Variants in TNS1 observed in about 807,000 individuals in gnomAD.
TNS1 encodes tensin-1.
Under a neutral mutation model 168.6 loss-of-function variants are expected in TNS1, and 62 were observed. The ratio of observed to expected loss-of-function variants is 0.37; its 90% CI spans 0.30 to 0.45. The LOEUF is 0.45. TNS1 is among the 20% of genes least tolerant of loss of function. The probability of loss-of-function intolerance (pLI) is 1.00; values close to 1 mark genes in which losing one functional copy is unlikely to be tolerated. For synonymous variants in TNS1, 934 were observed against 933.2 expected (o/e 1.00, Z -0.02); for missense variants, 2,240 against 2,339.4 (o/e 0.96, Z 0.88).
chr2:217,956,141 G>GT (rs373533988), intron 3 of TNS1, among the ~76,000 whole-genome samples: 71 of 151,836 alleles, frequency 4.7e-4, no homozygotes, highest in African/African-American at 1.5e-3. Flanking sequence ...TTTGAATTTT[G>GT]TTTTTTTTGT....
intron 1 of TNS1, chr2:218,009,972 C>G (rs1436605522): frequency 2.6e-6 from 1 of 379,316 alleles, no homozygotes; most frequent in Non-Finnish European, 4.5e-6. Context: ...ATGGCCGAGA[C>G]GGAGGGTCCC....
chr2:217,950,568 C>T (rs1559384229), intron 3 of TNS1, among the ~76,000 whole-genome samples: 1 of 150,768 alleles, frequency 6.6e-6, no homozygotes, highest in Non-Finnish European at 1.5e-5. Context: ...CTCACATGTG[C>T]TGTCCCAGGT....
intron 3 of TNS1, among the ~76,000 whole-genome samples, chr2:217,935,154 A>G (rs1429062275): frequency 2.6e-5 from 4 of 152,186 alleles, no homozygotes; most frequent in East Asian, 3.9e-4. Flanking sequence ...AGTGCTGAAG[A>G]CGGGAGATCT....
chr2:218,009,457 T>C (rs1279920551), intron 1 of TNS1, among the ~76,000 whole-genome samples: 1 of 151,806 alleles, frequency 6.6e-6, no homozygotes. Context: ...GGGAGACCGA[T>C]GCTCAACCAG....
chr2:217,810,420 C>T (rs1940636440), intron 28 of TNS1, 101 bp from the exon 29 acceptor site: 9 of 1,158,876 alleles, frequency 7.8e-6, no homozygotes, highest in South Asian at 2.6e-5. Flanking sequence ...GCAGAAGGAA[C>T]GCTGCTTTTC....
At chr2:217,946,012 G>A (rs1180616991) in intron 3 of TNS1, among the ~76,000 whole-genome samples, 2 of 152,116 alleles carry the variant, frequency 1.3e-5, no homozygotes, top group Non-Finnish European at 2.9e-5. Context: ...ACCCACATCC[G>A]TATTATCCCA....
intron 18 of TNS1, among the ~76,000 whole-genome samples, chr2:217,877,608 C>G (rs1197498541): frequency 2.0e-5 from 3 of 152,226 alleles, no homozygotes; most frequent in Non-Finnish European, 4.4e-5. Context: ...AGAAATTCAA[C>G]AGAATTCGGG....
At chr2:218,007,484 C>G (rs2105993628), upstream of TNS1, among the ~76,000 whole-genome samples, 1 of 142,224 alleles carries the variant, frequency 7.0e-6, no homozygotes, top group Non-Finnish European at 1.5e-5. Context: ...CACCCCAGGA[C>G]TAGGGGCTAT....
At chr2:217,902,887 CCTT>C (rs1035042657) in intron 6 of TNS1, among the ~76,000 whole-genome samples, 4 of 152,148 alleles carry the variant, frequency 2.6e-5, no homozygotes, top group African/African-American at 7.2e-5. Context: ...GGCACGTGAC[CCTT>C]GCTGGCGGAC....
Position 217,881,606 on chromosome 2 carries a change from T to C in TNS1, c.1313-592A>G, listed in dbSNP as rs542245797. 7 of 153,330 alleles carry C rather than the reference T, an allele frequency of 4.6e-5. No homozygotes were observed. In the South Asian group the frequency reaches 1.0e-3, roughly 23 times the overall value. The allele number at this position is 153,330 out of a possible 1,614,324, so 9.5% of individuals were successfully genotyped here. On this transcript the variant is annotated intron_variant, in intron 17 of 32. Transcript: ENST00000682258. ...AAACCCAGCTCAGCATTGGGACAAA[T>C]ACCTAATGCATGCAGAGCTTAAAAG...
At chr2:217,970,526 C>T (rs1438732945) in intron 3 of TNS1, among the ~76,000 whole-genome samples, 1 of 152,092 alleles carries the variant, frequency 6.6e-6, no homozygotes, top group Non-Finnish European at 1.5e-5. Context: ...AATGGAAAAA[C>T]AACATGGGCT....
chr2:217,896,519 C>T (rs1952322898), intron 8 of TNS1, among the ~76,000 whole-genome samples: 1 of 152,184 alleles, frequency 6.6e-6, no homozygotes, highest in Non-Finnish European at 1.5e-5. Context: ...CAAGGAATCC[C>T]ACCGCAAGCT....
chr2:217,831,713 G>A (rs1441887799), intron 21 of TNS1, among the ~76,000 whole-genome samples, 166 bp from the exon 22 acceptor site: 3 of 152,110 alleles, frequency 2.0e-5, no homozygotes, highest in Non-Finnish European at 2.9e-5. Context: ...TCCCGCCTCC[G>A]TATTTCTCTA....
Position 218,033,818 on chromosome 2 carries a change from A to G in TNS1, c.156+2T>C, listed in dbSNP as rs1214492170. The stretch of plus-strand genomic sequence containing the variant: ...TCCCTCACCCATTCCCGCAGCCCCT[A>G]CCTGAAGCGGTAGCTGCCTTCTCTC... On this transcript the variant is annotated splice_donor_variant, in intron 1 of 1. Transcript: ENST00000649572. LOFTEE classifies it high-confidence loss of function. The surrounding 1 kb of genome is among the most constrained non-coding windows in gnomAD (Gnocchi z 4.3). Among the ~76,000 whole-genome samples the G allele has an allele frequency of 1.3e-5, 2 of 151,906 alleles. No homozygotes were observed. The highest frequency in any genetic ancestry group is 4.8e-5 in the African/African-American group (2 of 41,348).
intron 6 of TNS1, 108 bp from the exon 7 acceptor site, chr2:217,900,620 GC>G: frequency 4.0e-6 from 5 of 1,241,342 alleles, no homozygotes; most frequent in Non-Finnish European, 5.6e-6. Context: ...TTCTTTCCTT[GC>G]CAACATTCTG....
rs765584934 is a variant in TNS1 at position 217,814,997 on chromosome 2, G to C, written c.4644C>G (p.Asp1548Glu). 1.2e-5 allele frequency: 19 copies of C among 1,611,180 alleles called. No homozygotes were observed. The highest frequency in any genetic ancestry group is 1.6e-5 in the Non-Finnish European group (19 of 1,178,550). The change falls in exon 25 of 33, where the codon GAC becomes GAG. Residue 1548 changes from aspartate to glutamate, a missense_variant and splice_region_variant. Coordinates refer to ENST00000682258, the MANE Select transcript of TNS1 (RefSeq NM_001387777.1). ...LPDFSKYSMP[D>E]NSPETRAKVK... ...CTTTAGCCCGCGTCTCCGGGCTGTT[G>C]TCTAAAGCAGGAGAAGGGAAGAAAG...
chr2:217,809,460 CATGGATGGATGGATGGATGG>C (rs1263650864), intron 30 of TNS1, among the ~76,000 whole-genome samples: 1 of 4,312 alleles, frequency 2.3e-4, no homozygotes, highest in African/African-American at 1.2e-3. Context: ...TGGATGGATG[CATGGATGGATGGATGGATGG>C]ATGGATGGAT....
intron 1 of TNS1, among the ~76,000 whole-genome samples, chr2:217,998,474 C>T (rs13003127): frequency 0.24 from 37,227 of 152,002 alleles, 4,806 homozygotes; most frequent in African/African-American, 0.31. Flanking sequence ...CTCACAATGA[C>T]GCCCTGCGCT....
At chr2:217,928,718 C>T (rs954219457) in intron 3 of TNS1, among the ~76,000 whole-genome samples, 4 of 152,270 alleles carry the variant, frequency 2.6e-5, no homozygotes, top group Non-Finnish European at 5.9e-5. Context: ...AGCTGAGCTC[C>T]TCTTAAATCA....
Sources: allele counts gnomAD v4.1 joint callset (sites outside exome capture counted in the v4.1 genomes callset), GRCh38; gene constraint gnomAD v4.1.1; non-coding constraint Gnocchi (gnomAD v3.1); transcripts MANE v1.5; gene names NCBI Gene and HGNC (gene_info 2026-07-23, HGNC 2026-07-21).